PTH2R: variants seen among roughly 807,000 people sequenced by gnomAD.
The protein encoded by PTH2R is parathyroid hormone 2 receptor, also known as PTH2 receptor.
A neutral mutation model predicts 60.3 loss-of-function variants in PTH2R; 59 were observed. That is an observed-to-expected ratio of 0.98 (90% CI 0.79 to 1.22). The LOEUF (loss-of-function observed/expected upper bound fraction) is 1.22. PTH2R is among the 50% of genes most tolerant of loss of function. PTH2R has a pLI of 0.00. For synonymous variants in PTH2R, 256 were observed against 243.8 expected (o/e 1.05, Z -0.47); for missense variants, 749 against 682.6 (o/e 1.10, Z -1.08).
chr2:208,484,336 C>T (rs1703226330), intron 10 of PTH2R, among the ~76,000 whole-genome samples: 2 of 152,170 alleles, frequency 1.3e-5, no homozygotes, highest in Non-Finnish European at 2.9e-5. Context: ...GTTCTTAAAA[C>T]AACTTTTTAT....
intron 8 of PTH2R, among the ~76,000 whole-genome samples, chr2:208,452,981 G>A (rs1018537697): frequency 1.1e-4 from 16 of 152,288 alleles, no homozygotes; most frequent in African/African-American, 3.8e-4. Flanking sequence ...AAGGAGTAGA[G>A]TTGAAGAGGG....
At chr2:208,381,960 A>G (rs1700923312) in intron 1 of PTH2R, among the ~76,000 whole-genome samples, 1 of 152,130 alleles carries the variant, frequency 6.6e-6, no homozygotes, top group Non-Finnish European at 1.5e-5. Flanking sequence ...TAAAGGTGGG[A>G]AATAAAGGTG....
intron 7 of PTH2R, among the ~76,000 whole-genome samples, chr2:208,448,387 C>A (rs1186573983): frequency 6.6e-6 from 1 of 151,740 alleles, no homozygotes; most frequent in Non-Finnish European, 1.5e-5. Flanking sequence ...ATTGACGTGT[C>A]TTATGAAAAT....
intron 2 of PTH2R, among the ~76,000 whole-genome samples, chr2:208,435,083 T>C (rs1167276920): frequency 6.6e-6 from 1 of 152,248 alleles, no homozygotes; most frequent in African/African-American, 2.4e-5. Flanking sequence ...ATATGGTGGA[T>C]GCTAAGAAGT....
intron 9 of PTH2R, among the ~76,000 whole-genome samples, chr2:208,461,234 A>G (rs1702629099): frequency 6.6e-6 from 1 of 152,142 alleles, no homozygotes; most frequent in Admixed American, 6.6e-5. Context: ...TTAAATGTAT[A>G]AACACCTGTA....
chr2:208,427,741 G>A (rs961286463), intron 1 of PTH2R, among the ~76,000 whole-genome samples: 2 of 151,776 alleles, frequency 1.3e-5, no homozygotes, highest in African/African-American at 4.8e-5. Context: ...TCTTCTTTAA[G>A]GTTCTGTTCC....
At chr2:208,479,531 G>T (rs1255909235) in intron 9 of PTH2R, among the ~76,000 whole-genome samples, 3 of 152,166 alleles carry the variant, frequency 2.0e-5, no homozygotes, top group African/African-American at 7.2e-5. Flanking sequence ...AATGGGGCAT[G>T]AAATAAATCT....
intron 4 of PTH2R, among the ~76,000 whole-genome samples, chr2:208,440,876 T>C (rs1702167856): frequency 1.3e-5 from 2 of 152,208 alleles, no homozygotes; most frequent in Admixed American, 6.5e-5. Context: ...GAGAAATTCC[T>C]TGAGATGTGC....
chr2:208,374,449 G>T (rs1211649128), intron 1 of PTH2R, among the ~76,000 whole-genome samples: 1 of 152,068 alleles, frequency 6.6e-6, no homozygotes, highest in Non-Finnish European at 1.5e-5. Flanking sequence ...TTTAGCACTT[G>T]TTTGAAATCT....
At chr2:208,458,740 G>A (rs567431463) in intron 8 of PTH2R, among the ~76,000 whole-genome samples, 5 of 152,094 alleles carry the variant, frequency 3.3e-5, no homozygotes, top group Non-Finnish European at 4.4e-5. Flanking sequence ...AAGGATGATA[G>A]CCTCCAGCTC....
At chr2:208,492,490 T>G (rs899453166) in intron 12 of PTH2R, among the ~76,000 whole-genome samples, 18 of 152,084 alleles carry the variant, frequency 1.2e-4, no homozygotes, top group Non-Finnish European at 2.4e-4. Flanking sequence ...ATTTGGTCAG[T>G]ATAAACACGT....
chr2:208,359,970 GA>G, exon 1 of PTH2R: 2 of 278,220 alleles, frequency 7.2e-6, no homozygotes, highest in South Asian at 6.6e-5. Flanking sequence ...TGCTGGGCGG[GA>G]GGAGCGGATG....
upstream of PTH2R, among the ~76,000 whole-genome samples, chr2:208,405,752 T>C (rs1701389688): frequency 6.6e-6 from 1 of 152,208 alleles, no homozygotes; most frequent in African/African-American, 2.4e-5. Flanking sequence ...CTTAAGGTGA[T>C]GGCTTATTAG....
At chr2:208,363,604 C>T (rs915578939) in intron 1 of PTH2R, among the ~76,000 whole-genome samples, 9 of 152,194 alleles carry the variant, frequency 5.9e-5, no homozygotes, top group Non-Finnish European at 1.0e-4. Context: ...CCTCTTTCCC[C>T]AGTGGCTGAA....
At chr2:208,392,928 G>C (rs1337219724) in intron 1 of PTH2R, among the ~76,000 whole-genome samples, 1 of 152,198 alleles carries the variant, frequency 6.6e-6, no homozygotes, top group Non-Finnish European at 1.5e-5. Flanking sequence ...TCTGCCTCCA[G>C]GGAAAGACCT....
Position 208,488,995 on chromosome 2 carries a change from T to G in PTH2R, c.1077-17T>G, listed in dbSNP as rs769092039. The G allele has an allele frequency of 6.2e-7, 1 of 1,613,606 alleles. No homozygotes were observed. The highest frequency in any genetic ancestry group is 2.2e-5 in the East Asian group (1 of 44,874). On this transcript the variant is annotated splice_polypyrimidine_tract_variant and intron_variant, in intron 10 of 12. Coordinates refer to ENST00000272847, the MANE Select transcript of PTH2R (RefSeq NM_005048.4). ...CACTCTAGTTAATGAATGAAAAGACTTGCTGTTCTCCTTTAGGAAACTGGC... is the reference window on the plus strand; with the variant it reads ...CACTCTAGTTAATGAATGAAAAGACGTGCTGTTCTCCTTTAGGAAACTGGC...
At chr2:208,429,711 A>G (rs996444730) in intron 2 of PTH2R, among the ~76,000 whole-genome samples, 4 of 152,132 alleles carry the variant, frequency 2.6e-5, no homozygotes, top group African/African-American at 9.7e-5. Flanking sequence ...TTGTTGTGCA[A>G]TCAGTCTCCA....
At chr2:208,370,395 A>G (rs1354127235) in intron 1 of PTH2R, among the ~76,000 whole-genome samples, 1 of 140,862 alleles carries the variant, frequency 7.1e-6, no homozygotes, top group East Asian at 2.3e-4. Context: ...GTGAGCAGAG[A>G]TCACACCACT....
chr2:208,461,562 C>A (rs1451107143), intron 9 of PTH2R, among the ~76,000 whole-genome samples: 1 of 152,010 alleles, frequency 6.6e-6, no homozygotes, highest in Non-Finnish European at 1.5e-5. Flanking sequence ...TTAATTAATG[C>A]TCTTAATTTT....
Sources: allele counts gnomAD v4.1 joint callset (sites outside exome capture counted in the v4.1 genomes callset), GRCh38; gene constraint gnomAD v4.1.1; transcripts MANE v1.5; gene names NCBI Gene and HGNC (gene_info 2026-07-23, HGNC 2026-07-21).